The following ARHGEF18 variants were observed in gnomAD, a reference collection of about 807,000 sequenced individuals.
ARHGEF18 encodes the protein rho guanine nucleotide exchange factor 18.
A neutral mutation model predicts 155.7 loss-of-function variants in ARHGEF18; 93 were observed. The observed-to-expected ratio is 0.60, with a 90% CI of 0.50 to 0.71. ARHGEF18 has a LOEUF of 0.71. ARHGEF18 is among the 30% of genes least tolerant of loss of function. ARHGEF18 has a pLI of 0.00. For synonymous variants in ARHGEF18, 742 were observed against 753.1 expected (o/e 0.99, Z 0.24); for missense variants, 1,593 against 1,816.1 (o/e 0.88, Z 2.23).
At chr19:7,432,421 CTG>C (rs1164582351) in intron 10 of ARHGEF18, among the ~76,000 whole-genome samples, 1 of 152,164 alleles carries the variant, frequency 6.6e-6, no homozygotes, top group Non-Finnish European at 1.5e-5. Flanking sequence ...GTCATTATTT[CTG>C]AGACCAGGCC....
rs867283478 is a variant in ARHGEF18, at chr19:7,381,691, T to A, written c.722+697T>A. On this transcript the variant is annotated intron_variant, in intron 8 of 28. Coordinates refer to ENST00000668164, the MANE Select transcript of ARHGEF18 (RefSeq NM_001367823.1). ...AAACTCCGTCTCAAAAATAAATAAATAATAAATAAATAAATAAATAAATAA... is the reference window on the plus strand; with the variant it reads ...AAACTCCGTCTCAAAAATAAATAAAAAATAAATAAATAAATAAATAAATAA... 1.5e-4 allele frequency among the ~76,000 whole-genome samples: 22 copies of A among 146,160 alleles called. 1 individual carries two copies. Among genetic ancestry groups the A allele is most frequent in the South Asian group, 4.2e-4 (2 of 4,708 alleles).
chr19:7,469,049 C>T lies in ARHGEF18; in HGVS notation c.3705C>T (p.Ile1235=). The change falls in exon 27 of 29, where the codon ATC becomes ATT. Residue 1235 remains isoleucine (I), a synonymous_variant. Transcript: ENST00000668164. The stretch of plus-strand genomic sequence containing the variant: ...GGCAGGCGGCCGTGCAGCAGCAGAT[C>T]CCCACCAAGCTGGCGGCCTCCACCA... ...FQRQAAVQQQ[I]PTKLAASTKG... The T allele has an allele frequency of 6.2e-7, 1 of 1,606,530 alleles. No individual in the cohort carries two copies. The highest frequency in any genetic ancestry group is 1.1e-5 in the South Asian group (1 of 89,956).
At position 7,440,095 on chromosome 19, in the gene ARHGEF18, G is replaced by A; in HGVS notation, c.968-249G>A. The A allele has an allele frequency of 6.4e-7, 1 of 1,550,540 alleles. No homozygotes were observed. The highest frequency in any genetic ancestry group is 8.7e-7 in the Non-Finnish European group (1 of 1,146,572). On this transcript the variant is annotated intron_variant, in intron 10 of 28. Transcript: ENST00000668164. This position sits in a 1 kb window ranked among gnomAD's most constrained non-coding sequence, Gnocchi z 5.4. ...GCCGCGCCGGGTCCCGGAGCCCCGG[G>A]CGCGAACATGGGGAATGCGCACTCC...
downstream of ARHGEF18, among the ~76,000 whole-genome samples, chr19:7,476,094 T>G (rs1977221373): frequency 6.6e-6 from 1 of 152,230 alleles, no homozygotes; most frequent in Non-Finnish European, 1.5e-5. Flanking sequence ...GCAGCTCACT[T>G]GAAGCCAGGA....
At chr19:7,359,692 A>G (rs1969465082) in intron 1 of ARHGEF18, among the ~76,000 whole-genome samples, 1 of 151,712 alleles carries the variant, frequency 6.6e-6, no homozygotes. Context: ...TATCAGGATC[A>G]AGGCTCAGTA....
At chr19:7,353,675 A>G (rs147690966) in intron 1 of ARHGEF18, among the ~76,000 whole-genome samples, 584 of 151,396 alleles carry the variant, frequency 3.9e-3, no homozygotes, top group Non-Finnish European at 5.8e-3. Context: ...AGATTTAGCC[A>G]GGTGTGGTGG....
At chr19:7,349,402 C>A (rs1281462390) in intron 1 of ARHGEF18, among the ~76,000 whole-genome samples, 161 bp downstream of exon 1, 1 of 152,110 alleles carries the variant, frequency 6.6e-6, no homozygotes, top group African/African-American at 2.4e-5. Context: ...GCTGTTTGAC[C>A]CTTGCGTTCA....
rs944039881 is a variant in ARHGEF18 at position 7,471,272 on chromosome 19, G to A, written c.*974G>A. 2 of 155,872 alleles carry A rather than the reference G, an allele frequency of 1.3e-5. No homozygotes were observed. Among genetic ancestry groups the A allele is most frequent in the African/African-American group, 4.8e-5 (2 of 41,594 alleles). 9.7% of individuals were successfully genotyped at this position (155,872 alleles called of 1,614,324 possible). On this transcript the variant is annotated 3_prime_UTR_variant, in exon 29 of 29. Transcript: ENST00000668164. The surrounding 1 kb of genome is among the most constrained non-coding windows in gnomAD (Gnocchi z 4.4). ...TGCAGAGGATGCACCTAGAGACGTT[G>A]CAGCAAGTGGACAAGTGGCCGCTGT...
At chr19:7,380,275 G>A (rs1165519126) in intron 7 of ARHGEF18, among the ~76,000 whole-genome samples, 2 of 151,756 alleles carry the variant, frequency 1.3e-5, no homozygotes, top group Non-Finnish European at 2.9e-5. Flanking sequence ...TCAGGAGATC[G>A]AGACCATCCT....
At chr19:7,378,307 G>T in intron 5 of ARHGEF18, 87 bp from the exon 6 acceptor site, 1 of 1,037,522 alleles carries the variant, frequency 9.6e-7, no homozygotes, top group South Asian at 4.9e-5. Flanking sequence ...CAGGGGCCCA[G>T]GGTGGCATCC....
At chr19:7,461,338 C>T (rs951747595) in intron 20 of ARHGEF18, among the ~76,000 whole-genome samples, 1 of 152,068 alleles carries the variant, frequency 6.6e-6, no homozygotes, top group African/African-American at 2.4e-5. Flanking sequence ...CATTTGAGAT[C>T]AGGAGTTTGA....
intron 17 of ARHGEF18, 27 bp downstream of exon 17, chr19:7,453,742 A>G (rs1317177544): frequency 2.0e-6 from 3 of 1,516,796 alleles, no homozygotes; most frequent in Non-Finnish European, 2.6e-6. Context: ...GCCCACCTCT[A>G]GTGGGTGCCA....
rs545287843 is a variant in ARHGEF18 at position 7,387,251 on chromosome 19, C to G, written c.967+4048C>G. The stretch of plus-strand genomic sequence containing the variant: ...CACTGCAAGCTCTGCCTTCCTGGTT[C>G]ATGCCATTCTCCTGCCTCAGCCTTC... On this transcript the variant is annotated intron_variant, in intron 10 of 28. Transcript: ENST00000668164. 3.7e-4 allele frequency among the ~76,000 whole-genome samples: 57 copies of G among 152,172 alleles called. No homozygotes were observed. In the East Asian group the frequency reaches 8.5e-3, roughly 23 times the overall value.
intron 1 of ARHGEF18, among the ~76,000 whole-genome samples, chr19:7,356,455 G>C (rs1040485732): frequency 2.6e-5 from 4 of 151,644 alleles, no homozygotes; most frequent in African/African-American, 4.8e-5. Flanking sequence ...TATATTTTTC[G>C]TAGAGACGGG....
Position 7,462,214 on chromosome 19 carries a change from C to A in ARHGEF18, c.2515C>A (p.Leu839Met). The change falls in exon 21 of 29, where the codon CTG becomes ATG. Residue 839 changes from leucine (L) to methionine (M), a missense_variant. Transcript: ENST00000668164. This position sits in a 1 kb window ranked among gnomAD's most constrained non-coding sequence, Gnocchi z 4.4. ...CCTCCTAGAGAAACAGCAGATCTAC[C>A]TGGAGATGGCCGAGATGGGCGGCCT... ...QSLLEKQQIY[L>M]EMAEMGGLED... The A allele has an allele frequency of 6.2e-7, 1 of 1,614,022 alleles. No homozygotes were observed. Among genetic ancestry groups the A allele is most frequent in the African/African-American group, 1.3e-5 (1 of 75,066 alleles).
intron 10 of ARHGEF18, among the ~76,000 whole-genome samples, chr19:7,396,798 G>A (rs539878388): frequency 2.0e-5 from 3 of 151,844 alleles, no homozygotes; most frequent in East Asian, 3.9e-4. Flanking sequence ...CCTGTTAGCC[G>A]TGTAACTTCA....
At chr19:7,456,541 A>G in intron 18 of ARHGEF18, 138 bp downstream of exon 18, 2 of 762,018 alleles carry the variant, frequency 2.6e-6, no homozygotes, top group Non-Finnish European at 4.6e-6. Flanking sequence ...ACATGGTGAA[A>G]CCTCACCTCT....
chr19:7,453,025 G>A (rs561464508), intron 16 of ARHGEF18, among the ~76,000 whole-genome samples: 204 of 151,598 alleles, frequency 1.3e-3, no homozygotes, highest in Non-Finnish European at 2.1e-3. Flanking sequence ...GTGAAACCCC[G>A]TCTCTACTAA....
chr19:7,392,326 T>C (rs547885188), intron 10 of ARHGEF18, among the ~76,000 whole-genome samples: 1 of 151,734 alleles, frequency 6.6e-6, no homozygotes, highest in South Asian at 2.1e-4. Context: ...CCTTCCTAGT[T>C]GTCTCTGAGA....
Sources: gnomAD v4.1 joint callset for allele counts (sites outside exome capture counted in the v4.1 genomes callset) on GRCh38, gnomAD v4.1.1 for gene constraint, Gnocchi (gnomAD v3.1) non-coding constraint, MANE v1.5 for transcripts, NCBI Gene and HGNC (gene_info 2026-07-23, HGNC 2026-07-21) for gene names.